NDE1: variants seen among roughly 807,000 people sequenced by gnomAD.
NDE1 encodes the protein nuclear distribution protein nudE homolog 1.
NDE1 carries 28 observed loss-of-function variants against 43.4 expected under a neutral mutation model. The observed-to-expected ratio is 0.65, with a 90% confidence interval of 0.48 to 0.89. NDE1 has a LOEUF of 0.89. Among genes scored for constraint, NDE1 ranks in the 40% least tolerant of loss-of-function variants. The pLI is 0.00. For missense variants in NDE1, 441 were observed against 434.1 expected (o/e 1.02, Z -0.14); for synonymous variants, 184 against 172.0 (o/e 1.07, Z -0.55).
intron 8 of NDE1, chr16:15,711,361 C>T (rs1389440703): frequency 6.6e-6 from 1 of 152,130 alleles, no homozygotes; most frequent in African/African-American, 2.4e-5. Flanking sequence ...GTGCTAATGG[C>T]TGTTGTCACT....
chr16:15,652,817 C>G (rs559322874), intron 1 of NDE1, among the ~76,000 whole-genome samples: 25 of 152,172 alleles, frequency 1.6e-4, no homozygotes, highest in African/African-American at 5.8e-4. Flanking sequence ...GCACATGCCA[C>G]CATGCTTGGC....
At chr16:15,717,993 A>G (rs910166961) in intron 8 of NDE1, 6 of 430,734 alleles carry the variant, frequency 1.4e-5, no homozygotes, top group Non-Finnish European at 2.6e-5. Context: ...CTCACTGGAT[A>G]AGGTCAGAGC....
In NDE1 at chr16:15,717,145, C is replaced by G. The variant is rs145252402; in HGVS notation, c.948-7046C>G. 905 of 1,614,094 alleles carry G rather than the reference C, an allele frequency of 5.6e-4. No individual in the cohort carries two copies. The highest frequency in any genetic ancestry group is 7.3e-4 in the Non-Finnish European group (860 of 1,180,042). On this transcript the variant is annotated intron_variant, in intron 8 of 8. Transcript: ENST00000396354. ...GGAACTCCACACCCGCATACCTGGCCTCCTGCTCGACCTGCTCCTCCAGCT... is the reference window on the plus strand; with the variant it reads ...GGAACTCCACACCCGCATACCTGGCGTCCTGCTCGACCTGCTCCTCCAGCT...
In NDE1 at chr16:15,714,890, C is replaced by G. The variant is rs759479052; in HGVS notation, c.948-9301C>G. The G allele has an allele frequency of 5.3e-5, 86 of 1,612,636 alleles. No individual in the cohort carries two copies. The highest frequency in any genetic ancestry group is 7.1e-5 in the Non-Finnish European group (84 of 1,179,956). ...TCTGGCCTGAGAGACGGGGTCCTCC[C>G]GGGCCACGGGCTCCTCACCTGAGCT... On this transcript the variant is annotated intron_variant, in intron 8 of 8. Coordinates refer to ENST00000396354, the MANE Select transcript of NDE1 (RefSeq NM_017668.3).
chr16:15,677,644 TAC>T (rs886733413), intron 3 of NDE1, among the ~76,000 whole-genome samples, 155 bp from the exon 4 acceptor site: 5 of 151,578 alleles, frequency 3.3e-5, no homozygotes, highest in African/African-American at 4.8e-5. Context: ...AGTGGAGTGT[TAC>T]AGTCATAGCT....
Position 15,691,258 on chromosome 16 carries a change from C to G in NDE1, c.638C>G (p.Pro213Arg), listed in dbSNP as rs112118461. The change falls in exon 6 of 9, where the codon CCG becomes CGG. Residue 213 changes from proline (P) to arginine (R), a missense_variant. Physicochemically the swap from Pro to Arg is moderately radical, Grantham distance 103. Transcript: ENST00000396354. ...DTAVQATGSV[P>R]STPIAHRGPS... is the part of the protein sequence containing the mutation. Reference sequence around the variant, plus strand: ...GCTGTGCAGGCCACGGGCTCCGTGCCGTCCACGCCCATTGCTCACCGAGGA... The same window carrying G: ...GCTGTGCAGGCCACGGGCTCCGTGCGGTCCACGCCCATTGCTCACCGAGGA... 6 of 1,614,094 alleles carry G rather than the reference C, an allele frequency of 3.7e-6. No homozygotes were observed. Among genetic ancestry groups the G allele is most frequent in the Middle Eastern group, 1.6e-4 (1 of 6,062 alleles).
intron 3 of NDE1, among the ~76,000 whole-genome samples, chr16:15,671,883 G>T (rs925333304): frequency 6.6e-6 from 1 of 151,832 alleles, no homozygotes. Context: ...TTGTAGAGAC[G>T]GGTTCATGTG....
rs2040719294 is a variant in NDE1, at chr16:15,725,677, AC to A, written c.*1427del. On this transcript the variant is annotated 3_prime_UTR_variant, in exon 9 of 9. Coordinates refer to ENST00000396354, the MANE Select transcript of NDE1 (RefSeq NM_017668.3). ...GCTCTCAACTGCATGTGAGAAAAAA[AC>A]ATCTCACTTAATTCTTCCCTCGCCC... 5.0e-6 allele frequency: 2 copies of A among 399,008 alleles called. No individual in the cohort carries two copies. The highest frequency in any genetic ancestry group is 4.4e-5 in the Admixed American group (1 of 22,774). 24.7% of individuals were successfully genotyped at this position (399,008 alleles called of 1,614,324 possible).
intron 8 of NDE1, chr16:15,717,600 G>C (rs1451751941): frequency 1.7e-6 from 1 of 582,602 alleles, no homozygotes; most frequent in Non-Finnish European, 3.1e-6. Context: ...TTCGAGACCT[G>C]CCTGGCCAAC....
intron 8 of NDE1, chr16:15,708,873 C>A (rs765589430): frequency 1.9e-6 from 3 of 1,603,568 alleles, no homozygotes; most frequent in Non-Finnish European, 2.6e-6. Context: ...CGGAGGTTAC[C>A]ATCAGCAAAC....
Position 15,718,495 on chromosome 16 carries a change from C to G in NDE1, c.948-5696C>G, listed in dbSNP as rs2040292409. Reference sequence around the variant, plus strand: ...TACCCTCCCCCGCCTTAAAAGATGCCCCCTCCTTGGAGTCATGCCTCAGGG... The same window carrying G: ...TACCCTCCCCCGCCTTAAAAGATGCGCCCTCCTTGGAGTCATGCCTCAGGG... On this transcript the variant is annotated intron_variant, in intron 8 of 8. Transcript: ENST00000396354. 1.8e-5 allele frequency: 27 copies of G among 1,534,710 alleles called. 2 individuals carry two copies. In the South Asian group the frequency reaches 3.1e-4, roughly 18 times the overall value.
chr16:15,718,521 G>T, intron 8 of NDE1: 17 of 1,504,486 alleles, frequency 1.1e-5, no homozygotes, highest in Non-Finnish European at 1.5e-5. Flanking sequence ...TGCCTCAGGG[G>T]TATTGCCCTC....
chr16:15,694,454 T>C (rs1596632311), intron 7 of NDE1, 198 bp downstream of exon 7: 3 of 1,385,018 alleles, frequency 2.2e-6, no homozygotes, highest in East Asian at 5.0e-5. Context: ...CAAGCGATCC[T>C]CTCACCTTAG....
At chr16:15,698,447 A>T (rs906784086) in intron 8 of NDE1, among the ~76,000 whole-genome samples, 2 of 152,208 alleles carry the variant, frequency 1.3e-5, no homozygotes, top group African/African-American at 4.8e-5. Flanking sequence ...AAGGTGTGTG[A>T]CTACCATCTC....
At chr16:15,708,290 G>A (rs142034693) in intron 8 of NDE1, among the ~76,000 whole-genome samples, 21 of 152,262 alleles carry the variant, frequency 1.4e-4, no homozygotes, top group African/African-American at 5.1e-4. Context: ...ACTGGTTGCC[G>A]CGCCGCAGTT....
chr16:15,672,929 C>T (rs1221982535), intron 3 of NDE1, among the ~76,000 whole-genome samples: 5 of 152,138 alleles, frequency 3.3e-5, no homozygotes, highest in African/African-American at 7.2e-5. Context: ...GTGCTGCGGG[C>T]GGCAGCAGGG....
Position 15,724,977 on chromosome 16 carries a change from C to T in NDE1, c.*726C>T, listed in dbSNP as rs151058774. On this transcript the variant is annotated 3_prime_UTR_variant, in exon 9 of 9. Transcript: ENST00000396354. ...TCGGCCTCGTTAAGCATCCCTGTGA[C>T]GCTCTCAACTTCATTCTAAGGGTGC... The T allele has an allele frequency of 4.9e-5, 79 of 1,613,880 alleles. No individual in the cohort carries two copies. The highest frequency in any genetic ancestry group is 1.3e-4 in the East Asian group (6 of 44,888).
At chr16:15,664,035 C>A (rs572625277) in intron 1 of NDE1, among the ~76,000 whole-genome samples, 1 of 152,272 alleles carries the variant, frequency 6.6e-6, no homozygotes, top group South Asian at 2.1e-4. Context: ...CGCCACTGCA[C>A]TCCAGCCTGG....
At chr16:15,699,338 C>A (rs1449151423) in intron 8 of NDE1, among the ~76,000 whole-genome samples, 2 of 151,318 alleles carry the variant, frequency 1.3e-5, no homozygotes, top group African/African-American at 2.4e-5. Context: ...CGGCTCACTG[C>A]AACCTCCGCC....
Sources: gnomAD v4.1 joint callset for allele counts (sites outside exome capture counted in the v4.1 genomes callset) on GRCh38, gnomAD v4.1.1 for gene constraint, MANE v1.5 for transcripts, NCBI Gene and HGNC (gene_info 2026-07-23, HGNC 2026-07-21) for gene names.